The following MAML3 variants were observed in gnomAD, a reference collection of about 807,000 sequenced individuals.
The protein encoded by MAML3 is mastermind-like protein 3.
In MAML3, 27 loss-of-function variants were observed where a neutral mutation model predicts 101.9. The observed-to-expected ratio is 0.27, with a 90% CI of 0.20 to 0.37. The LOEUF (loss-of-function observed/expected upper bound fraction) is 0.37. Ranked by LOEUF, MAML3 falls within the 10% of genes least tolerant of loss-of-function variation. The pLI is 1.00. For missense variants in MAML3, 1,316 were observed against 1,444.9 expected, an observed-to-expected ratio of 0.91 and a Z score of 1.45; for synonymous variants, 501 against 555.9, an observed-to-expected ratio of 0.90 and a Z score of 1.39.
Position 139,719,295 on chromosome 4 carries a change from G to C in MAML3, c.*28C>G. 1 of 1,535,954 alleles carries C rather than the reference G, an allele frequency of 6.5e-7. No individual in the cohort carries two copies. Among genetic ancestry groups the C allele is most frequent in the South Asian group, 1.3e-5 (1 of 78,760 alleles). The stretch of plus-strand genomic sequence containing the variant: ...TTCACTTTTTAAGCTTTAACCACTC[G>C]AGTTGTGGATCTTGGGGCCTCTCTT... On this transcript the variant is annotated 3_prime_UTR_variant, in exon 5 of 5. Coordinates refer to ENST00000509479, the MANE Select transcript of MAML3 (RefSeq NM_018717.5).
chr4:140,030,296 C>A (rs923874052), intron 1 of MAML3, among the ~76,000 whole-genome samples: 4 of 152,156 alleles, frequency 2.6e-5, no homozygotes, highest in African/African-American at 9.7e-5. Context: ...TTTAAAATTA[C>A]AACCACCTAT....
chr4:139,767,483 T>C (rs1362316773), intron 2 of MAML3, among the ~76,000 whole-genome samples: 1 of 152,220 alleles, frequency 6.6e-6, no homozygotes, highest in Non-Finnish European at 1.5e-5. Flanking sequence ...GATGCTTCCT[T>C]TTTTCTTCTT....
At chr4:140,026,131 C>T (rs1318472490) in intron 1 of MAML3, among the ~76,000 whole-genome samples, 1 of 152,108 alleles carries the variant, frequency 6.6e-6, no homozygotes, top group South Asian at 2.1e-4. Context: ...AAGAAAATAA[C>T]CATATAACTA....
At chr4:140,035,666 C>T (rs1374831620) in intron 1 of MAML3, among the ~76,000 whole-genome samples, 1 of 151,982 alleles carries the variant, frequency 6.6e-6, no homozygotes, top group East Asian at 1.9e-4. Context: ...TGGTGGCACG[C>T]CAGCTACCCA....
intron 1 of MAML3, among the ~76,000 whole-genome samples, chr4:139,944,374 C>T (rs1246507274): frequency 1.3e-5 from 2 of 152,094 alleles, no homozygotes; most frequent in African/African-American, 4.8e-5. Context: ...ATTCCCCTTC[C>T]TGTGTCCATG....
At chr4:139,949,449 C>T (rs1733795863) in intron 1 of MAML3, among the ~76,000 whole-genome samples, 1 of 152,196 alleles carries the variant, frequency 6.6e-6, no homozygotes, top group African/African-American at 2.4e-5. Flanking sequence ...AAGACTATTT[C>T]CAATGAATGC....
chr4:139,894,334 C>T (rs1732562203), intron 1 of MAML3, among the ~76,000 whole-genome samples: 1 of 152,042 alleles, frequency 6.6e-6, no homozygotes, highest in African/African-American at 2.4e-5. Flanking sequence ...CACGGTGAAA[C>T]CCCGTCTCTA....
intron 2 of MAML3, among the ~76,000 whole-genome samples, chr4:139,804,279 T>C (rs1730666374): frequency 6.6e-6 from 1 of 151,878 alleles, no homozygotes; most frequent in East Asian, 1.9e-4. Flanking sequence ...ATTTTTTTTT[T>C]TTTTGAGACA....
chr4:140,076,303 C>T (rs1727764983), intron 1 of MAML3, among the ~76,000 whole-genome samples: 1 of 152,110 alleles, frequency 6.6e-6, no homozygotes, highest in Non-Finnish European at 1.5e-5. Flanking sequence ...TAGATATTTT[C>T]TCCAATATAT....
Position 140,153,274 on chromosome 4 carries a change from G to A in MAML3, c.54C>T (p.Ile18=). 6.2e-7 allele frequency: 1 copy of A among 1,609,634 alleles called. No homozygotes were observed. Among genetic ancestry groups the A allele is most frequent in the Middle Eastern group, 1.7e-4 (1 of 6,048 alleles). ...CGAGGCTGCTGTTCAGGCTACTGTT[G>A]ATGCAAATACTACTGCCATTCGCGG... is the stretch of plus-strand genomic sequence containing the variant. ...AAAANGSSIC[I]NSSLNSSLGG... is the part of the protein sequence containing the mutation. The change falls in exon 1 of 5, where the codon ATC becomes ATT. Residue 18 remains isoleucine (I), a synonymous_variant. Transcript: ENST00000509479.
At chr4:139,739,712 G>T (rs1579380042) in intron 2 of MAML3, among the ~76,000 whole-genome samples, 3 of 85,160 alleles carry the variant, frequency 3.5e-5, no homozygotes, top group East Asian at 3.0e-4. Flanking sequence ...GTCCTCAGGT[G>T]TTAAAACTAA....
intron 1 of MAML3, among the ~76,000 whole-genome samples, chr4:140,112,607 C>CA (rs1482714778): frequency 1.3e-5 from 2 of 152,312 alleles, no homozygotes; most frequent in Non-Finnish European, 1.5e-5. Flanking sequence ...AGTGAGAACA[C>CA]AGAGATCAGA....
Position 139,927,295 on chromosome 4 carries a change from C to T in MAML3, c.469-36328G>A, listed in dbSNP as rs181636744. Among the ~76,000 whole-genome samples, 13 of 152,178 alleles carry T rather than the reference C, an allele frequency of 8.5e-5. No individual in the cohort carries two copies. The East Asian group carries it at 1.2e-3, about 14-fold the overall frequency. Reference sequence around the variant, plus strand: ...ATAAAAATGATGTTGTGTCCTTCTTCGTACATCATATAAAGGGGTTCATGA... The same window carrying T: ...ATAAAAATGATGTTGTGTCCTTCTTTGTACATCATATAAAGGGGTTCATGA... On this transcript the variant is annotated intron_variant, in intron 1 of 4. Coordinates refer to ENST00000509479, the MANE Select transcript of MAML3 (RefSeq NM_018717.5).
At chr4:139,870,828 T>G (rs907257539) in intron 2 of MAML3, among the ~76,000 whole-genome samples, 1 of 152,166 alleles carries the variant, frequency 6.6e-6, no homozygotes, top group Non-Finnish European at 1.5e-5. Context: ...ACCAAAGATT[T>G]AAAACAATTT....
chr4:139,872,112 A>C (rs1732020653), intron 2 of MAML3, among the ~76,000 whole-genome samples: 1 of 152,218 alleles, frequency 6.6e-6, no homozygotes, highest in African/African-American at 2.4e-5. Flanking sequence ...TCTCAGTTAA[A>C]AGGTATACAG....
intron 1 of MAML3, among the ~76,000 whole-genome samples, chr4:140,073,989 G>A (rs565435328): frequency 2.8e-4 from 42 of 151,898 alleles, no homozygotes; most frequent in East Asian, 1.4e-3. Flanking sequence ...AAAATTAACC[G>A]GGCATGGTGG....
intron 1 of MAML3, among the ~76,000 whole-genome samples, chr4:139,975,947 G>A (rs1734331467): frequency 6.6e-6 from 1 of 152,066 alleles, no homozygotes; most frequent in Non-Finnish European, 1.5e-5. Flanking sequence ...GGGCAAAAGA[G>A]GAACTGAAAA....
intron 2 of MAML3, among the ~76,000 whole-genome samples, chr4:139,834,495 G>A (rs1168412962): frequency 2.6e-5 from 4 of 152,234 alleles, no homozygotes; most frequent in East Asian, 1.9e-4. Flanking sequence ...GTAAGACAGC[G>A]CTTCTTGAAG....
At chr4:140,120,926 T>C (rs1221249975) in intron 1 of MAML3, among the ~76,000 whole-genome samples, 5 of 152,176 alleles carry the variant, frequency 3.3e-5, no homozygotes, top group Non-Finnish European at 5.9e-5. Flanking sequence ...GAAAATGTAC[T>C]TCTACTATCA....
Sources: allele counts gnomAD v4.1 joint callset (sites outside exome capture counted in the v4.1 genomes callset), GRCh38; gene constraint gnomAD v4.1.1; transcripts MANE v1.5; gene names NCBI Gene and HGNC (gene_info 2026-07-23, HGNC 2026-07-21).